Variants in EBF1 observed in about 807,000 individuals in gnomAD.
The protein encoded by EBF1 is transcription factor COE1.
In EBF1, 10 loss-of-function variants were observed where a neutral mutation model predicts 68.4. That is an observed-to-expected ratio of 0.15 (90% CI 0.09 to 0.25). The LOEUF is 0.25. Ranked by LOEUF, EBF1 falls within the 10% of genes least tolerant of loss-of-function variation. EBF1 has a pLI of 1.00. For missense variants in EBF1, 509 were observed against 794.4 expected (o/e 0.64, Z 4.32); for synonymous variants, 298 against 299.8 (o/e 0.99, Z 0.06).
Position 159,084,681 on chromosome 5 carries a change from T to C in EBF1, c.470A>G (p.His157Arg). Residue 157 changes from histidine (H) to arginine (R), a missense_variant, in exon 5 of 16, where the codon CAT (histidine) becomes CGT (arginine). This residue lies in a region of EBF1 where 230 missense variants were observed against 467.7 expected (regional missense o/e 0.49). Coordinates refer to ENST00000313708, the MANE Select transcript of EBF1 (RefSeq NM_024007.5). ...NPEMCRVLLT[H>R]EIMCSRCCDK... ...TATTTCTTACCTGCACATGATCTCA[T>C]GTGTGAGCAAGACTCGGCACATTTC... 1 of 1,597,800 alleles carries C rather than the reference T, an allele frequency of 6.3e-7. No homozygotes were observed. The highest frequency in any genetic ancestry group is 8.5e-7 in the Non-Finnish European group (1 of 1,170,496).
intron 6 of EBF1, among the ~76,000 whole-genome samples, chr5:159,060,694 T>C (rs953997694): frequency 7.2e-5 from 11 of 152,152 alleles, no homozygotes; most frequent in Admixed American, 6.5e-5. Context: ...CAAACCAATT[T>C]CTACAAGCTA....
At chr5:158,719,826 C>G (rs1761555919) in intron 11 of EBF1, among the ~76,000 whole-genome samples, 1 of 152,108 alleles carries the variant, frequency 6.6e-6, no homozygotes, top group Admixed American at 6.5e-5. Flanking sequence ...AAAATTAAAG[C>G]CCAGGGATGC....
chr5:158,805,923 C>G (rs1268370922), intron 8 of EBF1, among the ~76,000 whole-genome samples: 1 of 151,868 alleles, frequency 6.6e-6, no homozygotes, highest in Non-Finnish European at 1.5e-5. Flanking sequence ...CTGTTTCTAT[C>G]ATTTTCATTA....
In EBF1 at chr5:158,696,919, C is replaced by CTTTTTCT. The variant is rs1755863278; in HGVS notation, c.*2185_*2191dup. 1 of 157,898 alleles carries CTTTTTCT rather than the reference C, an allele frequency of 6.3e-6. No individual in the cohort carries two copies. Among genetic ancestry groups the CTTTTTCT allele is most frequent in the African/African-American group, 3.0e-5 (1 of 33,490 alleles). The allele number at this position is 157,898 out of a possible 1,614,324, so 9.8% of individuals were successfully genotyped here. A position where few individuals can be genotyped will look rare whatever the true frequency, so the allele number is the denominator to read the frequency against. On this transcript the variant is annotated 3_prime_UTR_variant, in exon 16 of 16. Transcript: ENST00000313708. The stretch of plus-strand genomic sequence containing the variant: ...TTTGTTTTTTTTTTTTTCTTTTTTT[C>CTTTTTCT]TTTTTCTTTTTTCTTAGAATGTTAG...
chr5:158,703,908 G>T (rs1210337765), intron 15 of EBF1, among the ~76,000 whole-genome samples: 1 of 152,194 alleles, frequency 6.6e-6, no homozygotes, highest in East Asian at 1.9e-4. Context: ...TTCCCAGACA[G>T]ATCTTCCTTA....
intron 6 of EBF1, among the ~76,000 whole-genome samples, chr5:158,927,938 C>T (rs1810027235): frequency 6.6e-6 from 1 of 152,224 alleles, no homozygotes; most frequent in African/African-American, 2.4e-5. Context: ...AGCTAGAAAT[C>T]TGCAGATCTA....
At chr5:158,711,645 C>T (rs1420048638) in intron 14 of EBF1, among the ~76,000 whole-genome samples, 1 of 151,560 alleles carries the variant, frequency 6.6e-6, no homozygotes, top group Non-Finnish European at 1.5e-5. Flanking sequence ...ATATGGTGTC[C>T]TCATTGTTTA....
At chr5:158,959,060 G>T (rs962139126) in intron 6 of EBF1, among the ~76,000 whole-genome samples, 1 of 152,088 alleles carries the variant, frequency 6.6e-6, no homozygotes. Flanking sequence ...CTAGTGAGAG[G>T]AGGGATTATT....
intron 14 of EBF1, among the ~76,000 whole-genome samples, chr5:158,709,489 G>A (rs1758674428): frequency 6.6e-6 from 1 of 152,206 alleles, no homozygotes; most frequent in Non-Finnish European, 1.5e-5. Context: ...CAGATCTCCA[G>A]GGGGAAAAGC....
At chr5:159,046,500 A>T (rs760423098) in intron 6 of EBF1, among the ~76,000 whole-genome samples, 4 of 152,226 alleles carry the variant, frequency 2.6e-5, no homozygotes, top group Non-Finnish European at 5.9e-5. Context: ...AAGAGACCTC[A>T]AATAGGCCAA....
At chr5:159,006,709 G>T (rs1763645596) in intron 6 of EBF1, among the ~76,000 whole-genome samples, 1 of 117,486 alleles carries the variant, frequency 8.5e-6, no homozygotes, top group Admixed American at 9.5e-5. Flanking sequence ...CACTAATGAT[G>T]AAATTTAAAC....
intron 6 of EBF1, among the ~76,000 whole-genome samples, chr5:158,938,717 G>A (rs1011989195): frequency 6.6e-6 from 1 of 152,118 alleles, no homozygotes; most frequent in Non-Finnish European, 1.5e-5. Flanking sequence ...TTATGAAGAC[G>A]GTAATGCCAT....
At chr5:158,948,393 T>G (rs1815292740) in intron 6 of EBF1, among the ~76,000 whole-genome samples, 1 of 151,856 alleles carries the variant, frequency 6.6e-6, no homozygotes, top group East Asian at 1.9e-4. Flanking sequence ...AAAAAACCAC[T>G]GTAGCAGGGG....
rs574053058 is a variant in EBF1, at chr5:159,045,332, G to A, written c.554+28064C>T. On this transcript the variant is annotated intron_variant, in intron 6 of 15. Transcript: ENST00000313708. Reference sequence around the variant, plus strand: ...AACTTTTTTGTGCCAAAACGCAGAAGAGAAGTTATACACAGTTCCTCCCTC... The same window carrying A: ...AACTTTTTTGTGCCAAAACGCAGAAAAGAAGTTATACACAGTTCCTCCCTC... Among the ~76,000 whole-genome samples the A allele has an allele frequency of 5.9e-4, 90 of 152,026 alleles. 2 individuals are homozygous for A. The South Asian group carries it at 0.018, about 31-fold the overall frequency.
At chr5:158,889,412 T>A (rs1800715027) in intron 6 of EBF1, among the ~76,000 whole-genome samples, 2 of 152,152 alleles carry the variant, frequency 1.3e-5, no homozygotes, top group South Asian at 4.1e-4. Flanking sequence ...AGGTTAAAAT[T>A]TTAAAAATAA....
At chr5:158,969,530 G>A (rs1416965175) in intron 6 of EBF1, among the ~76,000 whole-genome samples, 4 of 150,246 alleles carry the variant, frequency 2.7e-5, no homozygotes, top group Admixed American at 1.3e-4. Flanking sequence ...CTGGGAGGCC[G>A]AGGCAGGAGG....
intron 6 of EBF1, among the ~76,000 whole-genome samples, chr5:158,899,993 G>A (rs964801276): frequency 6.6e-6 from 1 of 152,152 alleles, no homozygotes; most frequent in Non-Finnish European, 1.5e-5. Flanking sequence ...GACAAGCTGG[G>A]AGGCAAGAGG....
chr5:158,734,304 G>A (rs1439237166), intron 10 of EBF1, among the ~76,000 whole-genome samples: 1 of 152,090 alleles, frequency 6.6e-6, no homozygotes. Context: ...AAGGTTAAGA[G>A]CAAGAGATTG....
chr5:158,983,422 G>A (rs943122920), intron 6 of EBF1: 3 of 152,140 alleles, frequency 2.0e-5, no homozygotes, highest in African/African-American at 7.2e-5. Flanking sequence ...GTGGAGGCAG[G>A]AGGCATCTTT....
Sources: allele counts gnomAD v4.1 joint callset (sites outside exome capture counted in the v4.1 genomes callset), GRCh38; gene constraint gnomAD v4.1.1; regional missense constraint gnomAD v4.1.1; transcripts MANE v1.5; gene names NCBI Gene and HGNC (gene_info 2026-07-23, HGNC 2026-07-21).